CASD1: variants seen among roughly 807,000 people sequenced by gnomAD.
The protein encoded by CASD1 is CAS1 domain sialic acid O acetyltransferase 1, also known as N-acetylneuraminate (7)9-O-acetyltransferase.
CASD1 carries 41 observed loss-of-function variants against 100.0 expected under a neutral mutation model. That is an observed-to-expected ratio of 0.41 (90% confidence interval 0.32 to 0.53). The LOEUF is 0.53. Ranked by LOEUF, CASD1 falls within the 20% of genes least tolerant of loss-of-function variation. The pLI is 0.25. For synonymous variants in CASD1, 321 were observed against 315.6 expected (o/e 1.02, Z -0.18); for missense variants, 774 against 948.7 (o/e 0.82, Z 2.42).
chr7:94,592,528 T>C, the CASD1 span, among the ~76,000 whole-genome samples: 2 of 152,182 alleles, frequency 1.3e-5, no homozygotes, highest in Non-Finnish European at 2.9e-5. Flanking sequence ...TGTAACTAAA[T>C]TATTAGCATT....
Position 94,522,634 on chromosome 7 carries a change from G to A in CASD1, c.351+4311G>A, listed in dbSNP as rs1047259378. On this transcript the variant is annotated intron_variant, in intron 3 of 17. Coordinates refer to ENST00000297273, the MANE Select transcript of CASD1 (RefSeq NM_022900.5). Reference sequence around the variant, plus strand: ...TCAGGGAAATGTTTGTTTGAAGCACGCGTGGAACTTTTTAATTATTTTTAT... The same window carrying A: ...TCAGGGAAATGTTTGTTTGAAGCACACGTGGAACTTTTTAATTATTTTTAT... 7.9e-5 allele frequency among the ~76,000 whole-genome samples: 12 copies of A among 152,082 alleles called. No individual in the cohort carries two copies. In the East Asian group the frequency reaches 1.9e-3, roughly 24 times the overall value.
At chr7:94,570,879 T>C in the CASD1 span, among the ~76,000 whole-genome samples, 3 of 152,192 alleles carry the variant, frequency 2.0e-5, no homozygotes, top group Admixed American at 2.0e-4. Context: ...TATTTGCTGA[T>C]GTATTTAACT....
intron 5 of CASD1, among the ~76,000 whole-genome samples, chr7:94,529,842 G>A (rs982561900): frequency 6.6e-6 from 1 of 152,118 alleles, no homozygotes; most frequent in Non-Finnish European, 1.5e-5. Flanking sequence ...AGTTATCTGA[G>A]AAAATTTTAT....
chr7:94,549,493 T>G (rs750239984), intron 13 of CASD1, 40 bp from the exon 14 acceptor site: 2 of 1,404,582 alleles, frequency 1.4e-6, no homozygotes, highest in East Asian at 2.3e-5. Flanking sequence ...AAATATTGAC[T>G]TGTACCATCT....
the CASD1 span, among the ~76,000 whole-genome samples, chr7:94,602,715 G>A: frequency 1.3e-5 from 2 of 152,042 alleles, no homozygotes; most frequent in South Asian, 4.1e-4. Flanking sequence ...ACATATATTT[G>A]AAACCTTACA....
the CASD1 span, among the ~76,000 whole-genome samples, chr7:94,570,102 C>T: frequency 4.6e-5 from 7 of 152,068 alleles, no homozygotes; most frequent in Non-Finnish European, 7.4e-5. Flanking sequence ...CGTGAGCCAC[C>T]GCACCTGGCC....
chr7:94,628,652 A>G, the CASD1 span: 9 of 358,768 alleles, frequency 2.5e-5, no homozygotes, highest in Admixed American at 1.7e-4. Flanking sequence ...CAGTGAGACA[A>G]CTATCTTTCA....
chr7:94,553,668 A>G (rs758316410), intron 16 of CASD1, among the ~76,000 whole-genome samples: 2 of 152,100 alleles, frequency 1.3e-5, no homozygotes, highest in African/African-American at 4.8e-5. Flanking sequence ...AGGAGGGTAC[A>G]TTCTAAGGCA....
the CASD1 span, chr7:94,622,683 T>C: frequency 4.0e-5 from 6 of 151,734 alleles, no homozygotes; most frequent in African/African-American, 1.5e-4. Context: ...ATTTTCCCAA[T>C]TGATTAAAAT....
chr7:94,608,431 A>G, the CASD1 span, among the ~76,000 whole-genome samples: 1 of 152,238 alleles, frequency 6.6e-6, no homozygotes, highest in Non-Finnish European at 1.5e-5. Flanking sequence ...GAAGACCTAA[A>G]TAAATGGAGA....
intron 4 of CASD1, among the ~76,000 whole-genome samples, chr7:94,527,562 G>T (rs147332324): frequency 6.6e-6 from 1 of 152,206 alleles, no homozygotes; most frequent in East Asian, 1.9e-4. Context: ...AATACAAGTG[G>T]GACAAGGATG....
At position 94,532,242 on chromosome 7, in the gene CASD1, T is replaced by C. The variant is rs1584401432; in HGVS notation, c.460-963T>C. On this transcript the variant is annotated intron_variant, in intron 5 of 17. Coordinates refer to ENST00000297273, the MANE Select transcript of CASD1 (RefSeq NM_022900.5). Reference sequence around the variant, plus strand: ...ATACATACAAAAGTATGATAAAGTTTAATATATAAATTAGGCACACTAAGA... The same window carrying C: ...ATACATACAAAAGTATGATAAAGTTCAATATATAAATTAGGCACACTAAGA... Among the ~76,000 whole-genome samples, 4 of 152,286 alleles carry C rather than the reference T, an allele frequency of 2.6e-5. No individual in the cohort carries two copies. In the East Asian group the frequency reaches 5.8e-4, roughly 22 times the overall value.
the CASD1 span, chr7:94,588,219 T>G: frequency 9.4e-7 from 1 of 1,069,100 alleles, no homozygotes; most frequent in Non-Finnish European, 1.1e-6. Flanking sequence ...GGTCATGTTA[T>G]AACAGCTTTT....
chr7:94,571,788 G>C, the CASD1 span, among the ~76,000 whole-genome samples: 2 of 151,768 alleles, frequency 1.3e-5, no homozygotes, highest in African/African-American at 4.8e-5. Context: ...GGCAAAATAA[G>C]CCTAGAATCA....
At position 94,540,249 on chromosome 7, in the gene CASD1, G is replaced by A. The variant is rs565625425; in HGVS notation, c.1356+1193G>A. The stretch of plus-strand genomic sequence containing the variant: ...AAAATTTTAATAAATTCATAATTTG[G>A]GAACTACTGAACTGTTTTTTATTGT... On this transcript the variant is annotated intron_variant, in intron 10 of 17. Coordinates refer to ENST00000297273, the MANE Select transcript of CASD1 (RefSeq NM_022900.5). Among the ~76,000 whole-genome samples the A allele has an allele frequency of 2.0e-5, 3 of 152,176 alleles. No individual in the cohort carries two copies. The South Asian group carries it at 6.2e-4, about 32-fold the overall frequency.
chr7:94,613,939 A>G, the CASD1 span, among the ~76,000 whole-genome samples: 1 of 152,108 alleles, frequency 6.6e-6, no homozygotes, highest in Non-Finnish European at 1.5e-5. Flanking sequence ...GATACAAAAT[A>G]AAGAATGAAA....
chr7:94,533,584 T>C (rs759301487), intron 6 of CASD1, 95 bp from the exon 7 acceptor site: 14 of 890,212 alleles, frequency 1.6e-5, no homozygotes, highest in Admixed American at 3.5e-5. Flanking sequence ...ATGAGAAATA[T>C]CTAAAATAAT....
rs1584407239 is a variant in CASD1, at chr7:94,535,461, G to T, written c.781G>T (p.Ala261Ser). ...GATGTTCAGTGTTTCCAAATTAATT[G>T]CTCAAGAAACCATCATGGAATCTTT... ...VKMFSVSKLI[A>S]QETIMESLDG... The change falls in exon 8 of 18, where the codon GCT (alanine) becomes TCT (serine). Residue 261 changes from alanine to serine, a missense_variant. Transcript: ENST00000297273. 1 of 1,613,628 alleles carries T rather than the reference G, an allele frequency of 6.2e-7. No homozygotes were observed. The highest frequency in any genetic ancestry group is 1.1e-5 in the South Asian group (1 of 91,060).
the CASD1 span, chr7:94,600,785 C>T: frequency 1.2e-6 from 2 of 1,613,512 alleles, no homozygotes; most frequent in Non-Finnish European, 1.7e-6. Flanking sequence ...GGTTTGTATT[C>T]TCCACCATCA....
Sources: allele counts gnomAD v4.1 joint callset (sites outside exome capture counted in the v4.1 genomes callset), GRCh38; gene constraint gnomAD v4.1.1; transcripts MANE v1.5; gene names NCBI Gene and HGNC (gene_info 2026-07-23, HGNC 2026-07-21).